Variants in PTPN2 observed in about 807,000 individuals in gnomAD.
PTPN2 encodes the protein tyrosine-protein phosphatase non-receptor type 2.
PTPN2 carries 19 observed loss-of-function variants against 57.3 expected under a neutral mutation model. That is an observed-to-expected ratio of 0.33 (90% CI 0.23 to 0.49). The LOEUF is 0.49. Ranked by LOEUF, PTPN2 falls within the 20% of genes least tolerant of loss-of-function variation. The probability of loss-of-function intolerance (pLI) is 0.99; values close to 1 mark genes in which losing one functional copy is unlikely to be tolerated. For synonymous variants in PTPN2, 153 were observed against 164.9 expected, an observed-to-expected ratio of 0.93 and a Z score of 0.55; for missense variants, 358 against 501.1, an observed-to-expected ratio of 0.71 and a Z score of 2.73.
intron 5 of PTPN2, among the ~76,000 whole-genome samples, chr18:12,823,213 A>G (rs1297634033): frequency 6.6e-6 from 1 of 152,246 alleles, no homozygotes; most frequent in Non-Finnish European, 1.5e-5. Context: ...ACCCAGGCCA[A>G]TAAAAAATCC....
downstream of PTPN2, chr18:12,787,541 T>TA (rs1322297893): frequency 6.6e-6 from 1 of 152,222 alleles, no homozygotes; most frequent in African/African-American, 2.4e-5. Flanking sequence ...CAGATATACT[T>TA]ACCAAGAATG....
chr18:12,866,330 G>C (rs888142216), intron 1 of PTPN2, among the ~76,000 whole-genome samples: 1 of 151,564 alleles, frequency 6.6e-6, no homozygotes, highest in Non-Finnish European at 1.5e-5. Flanking sequence ...CCCAGCTACT[G>C]GGGAGGCTGA....
At chr18:12,810,264 T>C (rs1169314020) in intron 7 of PTPN2, among the ~76,000 whole-genome samples, 1 of 152,030 alleles carries the variant, frequency 6.6e-6, no homozygotes, top group Non-Finnish European at 1.5e-5. Context: ...CTTGGGAGGC[T>C]GAGGCAGGAG....
At position 12,819,555 on chromosome 18, in the gene PTPN2, CTA is replaced by C. The variant is rs1228917442; in HGVS notation, c.496-2192_496-2191del. On this transcript the variant is annotated intron_variant, in intron 5 of 8. Transcript: ENST00000309660. ...GCAGGGGAGAGGTGACAGAACCGAT[CTA>C]TGTTTCTGTTATGGGCAGTGGTTAC... is the stretch of plus-strand genomic sequence containing the variant. Among the ~76,000 whole-genome samples the C allele has an allele frequency of 2.0e-5, 3 of 151,544 alleles. No individual in the cohort carries two copies. In the East Asian group the frequency reaches 5.8e-4, roughly 29 times the overall value.
chr18:12,877,986 C>T (rs1364032744), intron 1 of PTPN2, among the ~76,000 whole-genome samples: 4 of 151,618 alleles, frequency 2.6e-5, no homozygotes, highest in African/African-American at 9.7e-5. Context: ...GCCGAGATGA[C>T]GCCACTGCAC....
In PTPN2 at chr18:12,836,849, T is replaced by C; in HGVS notation, c.203A>G (p.Tyr68Cys). The part of the protein sequence containing the change: ...RVKLQNAEND[Y>C]INASLVDIEE... ...TATGTCAACTAAACTGGCATTAATATAATCATTCTCAGCATTTTGCAGTTT... is the reference window on the plus strand; with the variant it reads ...TATGTCAACTAAACTGGCATTAATACAATCATTCTCAGCATTTTGCAGTTT... Residue 68 changes from tyrosine (Y) to cysteine (C), a missense_variant, in exon 3 of 9, where the codon TAT becomes TGT. Around this residue, in one of 4 missense-constraint regions of PTPN2, gnomAD observed 193 missense variants for 315.4 expected, o/e 0.61. Transcript: ENST00000309660. The C allele has an allele frequency of 6.2e-7, 1 of 1,611,692 alleles. No homozygotes were observed. The highest frequency in any genetic ancestry group is 8.5e-7 in the Non-Finnish European group (1 of 1,179,298).
chr18:12,839,156 T>C (rs1006111499), intron 2 of PTPN2, among the ~76,000 whole-genome samples: 1 of 152,176 alleles, frequency 6.6e-6, no homozygotes, highest in African/African-American at 2.4e-5. Context: ...TATGAGAAAC[T>C]GTGACTTTAT....
At chr18:12,863,364 C>T (rs1031528359) in intron 1 of PTPN2, 1 of 151,884 alleles carries the variant, frequency 6.6e-6, no homozygotes, top group African/African-American at 2.4e-5. Flanking sequence ...GAGGCAGAGA[C>T]AGGAGGATTG....
intron 4 of PTPN2, among the ~76,000 whole-genome samples, chr18:12,828,270 A>G (rs1039773471): frequency 6.6e-6 from 1 of 152,224 alleles, no homozygotes; most frequent in Non-Finnish European, 1.5e-5. Flanking sequence ...GCCACTAGAG[A>G]ATGAGCTTTA....
intron 7 of PTPN2, among the ~76,000 whole-genome samples, chr18:12,807,586 A>AAAAAAAAAAAAT: frequency 1.1e-4 from 4 of 35,200 alleles, no homozygotes; most frequent in East Asian, 1.4e-3. Context: ...AAAAAAAAAA[A>AAAAAAAAAAAAT]ATATATATAT....
chr18:12,879,638 T>C (rs965249117), intron 1 of PTPN2, among the ~76,000 whole-genome samples: 1 of 152,226 alleles, frequency 6.6e-6, no homozygotes, highest in Admixed American at 6.5e-5. Flanking sequence ...AGAAACCTCC[T>C]ATTATCAAAC....
intron 1 of PTPN2, among the ~76,000 whole-genome samples, chr18:12,876,188 T>C (rs2044480837): frequency 6.6e-6 from 1 of 151,438 alleles, no homozygotes; most frequent in African/African-American, 2.4e-5. Context: ...GGGCTGGGCA[T>C]GGTGGCTCAT....
intron 1 of PTPN2, among the ~76,000 whole-genome samples, chr18:12,875,517 T>C (rs2044458286): frequency 4.4e-5 from 6 of 136,204 alleles, no homozygotes; most frequent in Admixed American, 3.4e-4. Flanking sequence ...GGTGGTATTA[T>C]TAAAAGTTCA....
At chr18:12,872,307 C>T (rs909556598) in intron 1 of PTPN2, 3 of 151,982 alleles carry the variant, frequency 2.0e-5, no homozygotes, top group African/African-American at 4.8e-5. Context: ...ACTATAAAAC[C>T]GTTCAAATAT....
At chr18:12,873,821 G>A (rs979978233) in intron 1 of PTPN2, among the ~76,000 whole-genome samples, 5 of 152,040 alleles carry the variant, frequency 3.3e-5, no homozygotes, top group Admixed American at 1.3e-4. Flanking sequence ...CTGCCCGGCC[G>A]CCATCCCATC....
chr18:12,806,481 C>G (rs2041654432), intron 7 of PTPN2, among the ~76,000 whole-genome samples: 1 of 151,978 alleles, frequency 6.6e-6, no homozygotes, highest in Admixed American at 6.6e-5. Flanking sequence ...TCATAAAAGA[C>G]CCCAAAAGCC....
At chr18:12,865,375 C>G (rs2043955134) in intron 1 of PTPN2, among the ~76,000 whole-genome samples, 1 of 150,888 alleles carries the variant, frequency 6.6e-6, no homozygotes, top group African/African-American at 2.4e-5. Context: ...GTCAAAGCTG[C>G]AGTAAGCCGT....
intron 2 of PTPN2, 59 bp downstream of exon 2, chr18:12,859,105 A>T: frequency 7.5e-7 from 1 of 1,333,730 alleles, no homozygotes; most frequent in Non-Finnish European, 1.1e-6. Flanking sequence ...TTTTCACTAC[A>T]TCCTGCCTCC....
chr18:12,800,205 T>C (rs758733257), intron 8 of PTPN2, among the ~76,000 whole-genome samples: 1 of 152,198 alleles, frequency 6.6e-6, no homozygotes, highest in Non-Finnish European at 1.5e-5. Context: ...GTCTCCTCTG[T>C]ATTTGCAAGC....
Sources: gnomAD v4.1 joint callset for allele counts (sites outside exome capture counted in the v4.1 genomes callset) on GRCh38, gnomAD v4.1.1 for gene constraint, gnomAD v4.1.1 regional missense constraint, MANE v1.5 for transcripts, NCBI Gene and HGNC (gene_info 2026-07-23, HGNC 2026-07-21) for gene names.